SPTBN5: variants seen among roughly 807,000 people sequenced by gnomAD.
The protein encoded by SPTBN5 is spectrin beta, non-erythrocytic 5, also known as spectrin beta chain, non-erythrocytic 5.
SPTBN5 carries 513 observed loss-of-function variants against 477.6 expected under a neutral mutation model. That is an observed-to-expected ratio of 1.07 (90% CI 1.00 to 1.16). SPTBN5 has a LOEUF of 1.16. Ranked by LOEUF, SPTBN5 falls within the 50% of genes most tolerant of loss-of-function variation. SPTBN5 has a pLI of 0.00. For synonymous variants in SPTBN5, 2,169 were observed against 2,011.7 expected (o/e 1.08, Z -2.09); for missense variants, 5,062 against 4,731.8 (o/e 1.07, Z -2.05).
At chr15:41,860,340 T>TA (rs1352181933) in intron 47 of SPTBN5, among the ~76,000 whole-genome samples, 1 of 152,256 alleles carries the variant, frequency 6.6e-6, no homozygotes, top group Non-Finnish European at 1.5e-5. Flanking sequence ...AGCCTCTCTT[T>TA]AAACTCCCTT....
In SPTBN5 at chr15:41,848,614, C is replaced by T; in HGVS notation, c.*2G>A. 6.2e-7 allele frequency: 1 copy of T among 1,613,908 alleles called. No individual in the cohort carries two copies. Among genetic ancestry groups the T allele is most frequent in the South Asian group, 1.1e-5 (1 of 91,074 alleles). ...AAGTTTGGTGTTGCACTGGGGTTCA[C>T]CTCAGGGATCAGACCTGTTGGGAAA... On this transcript the variant is annotated 3_prime_UTR_variant, in exon 68 of 68. Coordinates refer to ENST00000320955, the MANE Select transcript of SPTBN5 (RefSeq NM_016642.4).
rs1376672728 is a variant in SPTBN5 at position 41,848,471 on chromosome 15, T to TGTCTA, written c.*140_*144dup. ...TAGGACCCATCTAACCAGAAGGAACTGTCTATTCCAGAAGCTGGGCCTGGG... is the reference window on the plus strand; with the variant it reads ...TAGGACCCATCTAACCAGAAGGAACTGTCTAGTCTATTCCAGAAGCTGGGCCTGGG... On this transcript the variant is annotated 3_prime_UTR_variant, in exon 68 of 68. Coordinates refer to ENST00000320955, the MANE Select transcript of SPTBN5 (RefSeq NM_016642.4). 1 of 920,198 alleles carries TGTCTA rather than the reference T, an allele frequency of 1.1e-6. No homozygotes were observed. The highest frequency in any genetic ancestry group is 1.6e-5 in the African/African-American group (1 of 61,468). 57.0% of individuals were successfully genotyped at this position (920,198 alleles called of 1,614,324 possible).
rs2066133322 is a variant in SPTBN5 at position 41,862,171 on chromosome 15, C to T, written c.7507G>A (p.Val2503Met). 2 of 1,603,362 alleles carry T rather than the reference C, an allele frequency of 1.2e-6. No individual in the cohort carries two copies. The highest frequency in any genetic ancestry group is 1.7e-6 in the Non-Finnish European group (2 of 1,173,860). ...TCTTCTAACATACGCCGGGCTTCCA[C>T]AGGGCTGCGAGGAGCGGGGCTCGTG... ...MDTSPAPRSP[V>M]EARRMLEEHQ... Residue 2503 changes from valine (V) to methionine (M), a missense_variant, in exon 44 of 68, where the codon GTG becomes ATG. Coordinates refer to ENST00000320955, the MANE Select transcript of SPTBN5 (RefSeq NM_016642.4).
At position 41,892,921 on chromosome 15, in the gene SPTBN5, G is replaced by A; in HGVS notation, c.357C>T (p.Ser119=). ...RLRVHFLENS[S]RALAFLRAKV... Reference sequence around the variant, plus strand: ...TGGCCCTGAGGAAGGCCAGAGCTCGGCTGCTGTTCTCCAGGAAGTGCACAC... The same window carrying A: ...TGGCCCTGAGGAAGGCCAGAGCTCGACTGCTGTTCTCCAGGAAGTGCACAC... Residue 119 remains serine (S), a synonymous_variant, in exon 3 of 68, where the codon AGC becomes AGT. Coordinates refer to ENST00000320955, the MANE Select transcript of SPTBN5 (RefSeq NM_016642.4). 6.2e-6 allele frequency: 10 copies of A among 1,605,618 alleles called. No individual in the cohort carries two copies. The highest frequency in any genetic ancestry group is 7.6e-6 in the Non-Finnish European group (9 of 1,178,636).
chr15:41,858,952 TC>T lies in SPTBN5; in HGVS notation c.8016del (p.Thr2673ProfsTer26). 6.3e-7 allele frequency: 1 copy of T among 1,584,740 alleles called. No homozygotes were observed. Among genetic ancestry groups the T allele is most frequent in the Non-Finnish European group, 8.6e-7 (1 of 1,164,424 alleles). ...AGCTCCTCCAGGCGATGGCGGCGGG[TC>T]CCGGCTTGCCTGAAGAGCGCCTCCT... ...LRKEALFRQA[G>X]TRRHRLEELR... On this transcript the variant is annotated frameshift_variant, in exon 48 of 68. Coordinates refer to ENST00000320955, the MANE Select transcript of SPTBN5 (RefSeq NM_016642.4). LOFTEE classifies it high-confidence loss of function.
intron 7 of SPTBN5, among the ~76,000 whole-genome samples, chr15:41,884,415 C>T (rs998381008): frequency 6.6e-6 from 1 of 152,168 alleles, no homozygotes; most frequent in Non-Finnish European, 1.5e-5. Flanking sequence ...CCACCAGGCC[C>T]GGCCTAACAT....
At chr15:41,890,871 C>G (rs1022541916) in intron 3 of SPTBN5, among the ~76,000 whole-genome samples, 75 of 152,358 alleles carry the variant, frequency 4.9e-4, no homozygotes, top group African/African-American at 1.6e-3. Context: ...CCTGCAGGAT[C>G]TGGCCCCCAG....
intron 10 of SPTBN5, 52 bp downstream of exon 10, chr15:41,882,533 G>A (rs1349389092): frequency 6.3e-7 from 1 of 1,588,706 alleles, no homozygotes; most frequent in Non-Finnish European, 8.6e-7. Context: ...GGGGGCCCGA[G>A]AGGGAAGGGC....
chr15:41,866,865 C>T (rs1194428583), intron 36 of SPTBN5, 94 bp downstream of exon 36: 3 of 1,426,376 alleles, frequency 2.1e-6, no homozygotes, highest in East Asian at 5.0e-5. Context: ...ACCCCCGAAC[C>T]TGTTTCCGCC....
At position 41,869,933 on chromosome 15, in the gene SPTBN5, C is replaced by T; in HGVS notation, c.5761G>A (p.Val1921Met). The change falls in exon 32 of 68, where the codon GTG (valine) becomes ATG (methionine). Residue 1921 changes from valine to methionine, a missense_variant. Transcript: ENST00000320955. ...TGCAGCACTGCCCACGCCTGCGTCA[C>T]AGCTTGCTGCCTCTGCTGCACCGCA... ...AHAVQQRQQAVTQAWAVLQRR... is the reference protein window; with the variant it reads ...AHAVQQRQQAMTQAWAVLQRR... 2 of 1,554,686 alleles carry T rather than the reference C, an allele frequency of 1.3e-6. No individual in the cohort carries two copies. Among genetic ancestry groups the T allele is most frequent in the African/African-American group, 1.4e-5 (1 of 73,380 alleles).
At position 41,857,261 on chromosome 15, in the gene SPTBN5, C is replaced by G. The variant is rs774026547; in HGVS notation, c.8598G>C (p.Glu2866Asp). The G allele has an allele frequency of 1.3e-6, 2 of 1,583,012 alleles. No homozygotes were observed. The change falls in exon 51 of 68, where the codon GAG (glutamate) becomes GAC (aspartate). Residue 2866 changes from glutamate to aspartate, a missense_variant. Coordinates refer to ENST00000320955, the MANE Select transcript of SPTBN5 (RefSeq NM_016642.4). Reference sequence around the variant, plus strand: ...ACCTCTGAAGCAGCCGCCGGGCCTGCTCTTCCACATCTTGGGCAAGGCAGT... The same window carrying G: ...ACCTCTGAAGCAGCCGCCGGGCCTGGTCTTCCACATCTTGGGCAAGGCAGT... The part of the protein sequence containing the change: ...EGHCLAQDVE[E>D]QARRLLQRFK...
intron 5 of SPTBN5, 21 bp downstream of exon 5, chr15:41,887,907 C>T: frequency 6.2e-7 from 1 of 1,600,544 alleles, no homozygotes; most frequent in Non-Finnish European, 8.5e-7. Flanking sequence ...CAGAGGCCTC[C>T]TGACAAGGGT....
At chr15:41,859,997 C>T (rs998884293) in intron 47 of SPTBN5, among the ~76,000 whole-genome samples, 1 of 152,178 alleles carries the variant, frequency 6.6e-6, no homozygotes, top group African/African-American at 2.4e-5. Flanking sequence ...CATGAAGCAG[C>T]CAAACCTGAT....
In SPTBN5 at chr15:41,877,368, G is replaced by A. The variant is rs1397141773; in HGVS notation, c.3471-12C>T. The A allele has an allele frequency of 6.2e-6, 10 of 1,601,282 alleles. No homozygotes were observed. Among genetic ancestry groups the A allele is most frequent in the Non-Finnish European group, 7.7e-6 (9 of 1,172,602 alleles). Reference sequence around the variant, plus strand: ...CCAGCTGCTGCAGCCTGACCAGGATGACAGGCAGAGAGTCAAACCCCAGCA... The same window carrying A: ...CCAGCTGCTGCAGCCTGACCAGGATAACAGGCAGAGAGTCAAACCCCAGCA... On this transcript the variant is annotated splice_polypyrimidine_tract_variant and intron_variant, in intron 17 of 67. Coordinates refer to ENST00000320955, the MANE Select transcript of SPTBN5 (RefSeq NM_016642.4).
At position 41,857,368 on chromosome 15, in the gene SPTBN5, C is replaced by T. The variant is rs1246216705; in HGVS notation, c.8491G>A (p.Glu2831Lys). The T allele has an allele frequency of 6.3e-7, 1 of 1,577,754 alleles. No individual in the cohort carries two copies. The highest frequency in any genetic ancestry group is 1.2e-5 in the South Asian group (1 of 86,426). Residue 2831 changes from glutamate (E) to lysine (K), a missense_variant, in exon 51 of 68, where the codon GAG becomes AAG. By Grantham distance (56) the Glu-to-Lys change is moderately conservative (BLOSUM62 1). Coordinates refer to ENST00000320955, the MANE Select transcript of SPTBN5 (RefSeq NM_016642.4). The part of the protein sequence containing the change: ...GVGELLGTQR[E>K]LEAAVDKKAR... ...TTCTTGTCCACTGCTGCCTCCAGCTCCCTCTGTGTGCCCAGGAGCTCGCCC... is the reference window on the plus strand; with the variant it reads ...TTCTTGTCCACTGCTGCCTCCAGCTTCCTCTGTGTGCCCAGGAGCTCGCCC...
Position 41,870,601 on chromosome 15 carries a change from CG to C in SPTBN5, c.5448-42del, listed in dbSNP as rs771818749. 4 of 1,540,984 alleles carry C rather than the reference CG, an allele frequency of 2.6e-6. No homozygotes were observed. The South Asian group carries it at 4.5e-5, about 18-fold the overall frequency. On this transcript the variant is annotated intron_variant, in intron 29 of 67. Coordinates refer to ENST00000320955, the MANE Select transcript of SPTBN5 (RefSeq NM_016642.4). ...GGAAGACCAGCCGGGGATCAGCTGC[CG>C]GGCCGTGTCATTCCTCCCTCCCGCT...
chr15:41,882,355 C>T lies in SPTBN5; in HGVS notation c.2161G>A (p.Glu721Lys). The part of the protein sequence containing the change: ...PTQPDPGERA[E>K]AVQGGWQLLQ... ...AGCTGCCACCCTCCCTGAACGGCCT[C>T]TGCCCGTTCCCCGGGATCCGGCTGC... The change falls in exon 11 of 68, where the codon GAG becomes AAG. Residue 721 changes from glutamate to lysine, a missense_variant. Transcript: ENST00000320955. 6.5e-7 allele frequency: 1 copy of T among 1,535,720 alleles called. No individual in the cohort carries two copies. Among genetic ancestry groups the T allele is most frequent in the East Asian group, 2.4e-5 (1 of 40,884 alleles).
chr15:41,877,379 A>G, intron 17 of SPTBN5, 23 bp from the exon 18 acceptor site: 1 of 1,598,058 alleles, frequency 6.3e-7, no homozygotes, highest in South Asian at 1.1e-5. Context: ...ACAGGCAGAG[A>G]GTCAAACCCC....
In SPTBN5 at chr15:41,882,697, AG is replaced by A. The variant is rs1172238346; in HGVS notation, c.1933del (p.Leu645CysfsTer11). Reference sequence around the variant, plus strand: ...GGCTTCCTCCTCCTCACAGTTGCGCAGGAACTCTGCCCGCTGCAGGGTCTGC... The same window carrying A: ...GGCTTCCTCCTCCTCACAGTTGCGCAGAACTCTGCCCGCTGCAGGGTCTGC... ...LEQTLQRAEF[L>X]RNCEEEEAWL... On this transcript the variant is annotated frameshift_variant, in exon 10 of 68. Transcript: ENST00000320955. LOFTEE classifies it high-confidence loss of function. The A allele has an allele frequency of 1.2e-6, 2 of 1,609,608 alleles. No homozygotes were observed. The highest frequency in any genetic ancestry group is 1.7e-6 in the Non-Finnish European group (2 of 1,178,410).
Sources: gnomAD v4.1 joint callset for allele counts (sites outside exome capture counted in the v4.1 genomes callset) on GRCh38, gnomAD v4.1.1 for gene constraint, MANE v1.5 for transcripts, NCBI Gene and HGNC (gene_info 2026-07-23, HGNC 2026-07-21) for gene names.